SYTL2: variants seen among roughly 807,000 people sequenced by gnomAD.
The protein encoded by SYTL2 is synaptotagmin-like protein 2.
SYTL2 carries 165 observed loss-of-function variants against 198.7 expected under a neutral mutation model. The ratio of observed to expected loss-of-function variants is 0.83; its 90% confidence interval spans 0.73 to 0.94. The LOEUF is 0.94. Among genes scored for constraint, SYTL2 ranks in the 40% least tolerant of loss-of-function variants. SYTL2 has a pLI of 0.00. For missense variants in SYTL2, 2,835 were observed against 2,582.8 expected, an observed-to-expected ratio of 1.10 and a Z score of -2.12; for synonymous variants, 966 against 917.7, an observed-to-expected ratio of 1.05 and a Z score of -0.95.
the SYTL2 span, among the ~76,000 whole-genome samples, chr11:85,831,526 C>T: frequency 1.3e-5 from 2 of 152,074 alleles, no homozygotes; most frequent in Admixed American, 1.3e-4. Flanking sequence ...CAAACTTGCT[C>T]CTAAATAGCA....
the SYTL2 span, among the ~76,000 whole-genome samples, chr11:85,849,001 G>A: frequency 1.3e-5 from 2 of 152,162 alleles, no homozygotes; most frequent in African/African-American, 2.4e-5. Flanking sequence ...TGTGCCTCTG[G>A]CTTAAAGTGA....
In SYTL2 at chr11:85,734,543, G is replaced by A; in HGVS notation, c.786C>T (p.Asp262=). Residue 262 remains aspartate, a synonymous_variant, in exon 7 of 20, where the codon GAC becomes GAT. Coordinates refer to ENST00000359152, the MANE Select transcript of SYTL2 (RefSeq NM_206927.4). ...TCGGAGCCCCTCTCGCTTTCAGGGA[G>A]TCTGTCCTTTGTCTAGGAAAAGACT... ...DNQSFPRQRT[D]SLKARGAPRG... 1 of 1,614,210 alleles carries A rather than the reference G, an allele frequency of 6.2e-7. No homozygotes were observed.
chr11:85,776,439 C>T (rs1012699775), intron 1 of SYTL2, among the ~76,000 whole-genome samples: 32 of 152,184 alleles, frequency 2.1e-4, no homozygotes, highest in Admixed American at 5.9e-4. Flanking sequence ...GTTATGTTCC[C>T]CTCCCTGTGT....
rs544026011 is a variant in SYTL2 at position 85,748,156 on chromosome 11, T to C, written c.253+116A>G. 3.1e-5 allele frequency: 37 copies of C among 1,203,180 alleles called. No homozygotes were observed. In the African/African-American group the frequency reaches 5.2e-4, roughly 17 times the overall value. The allele number at this position is 1,203,180 out of a possible 1,614,324, so 74.5% of individuals were successfully genotyped here. A position where few individuals can be genotyped will look rare whatever the true frequency, so the allele number is the denominator to read the frequency against. The stretch of plus-strand genomic sequence containing the variant: ...ATTTAAACTAGAGGGCCACACATTA[T>C]GAAAAGTGTACATCCAAATGATTTC... On this transcript the variant is annotated intron_variant, in intron 3 of 19. Transcript: ENST00000359152.
At chr11:85,851,715 A>T in the SYTL2 span, among the ~76,000 whole-genome samples, 1 of 152,270 alleles carries the variant, frequency 6.6e-6, no homozygotes, top group Non-Finnish European at 1.5e-5. Flanking sequence ...CCAGGCTCTC[A>T]TAATAGAAGC....
intron 11 of SYTL2, among the ~76,000 whole-genome samples, chr11:85,715,415 T>C (rs1261520115): frequency 1.3e-5 from 2 of 152,114 alleles, no homozygotes; most frequent in Non-Finnish European, 2.9e-5. Flanking sequence ...ATCTAATAAA[T>C]ATCATATGAT....
In SYTL2 at chr11:85,726,791, C is replaced by T. The variant is rs891200537; in HGVS notation, c.2567G>A (p.Arg856Gln). 2.7e-5 allele frequency: 42 copies of T among 1,536,092 alleles called. No individual in the cohort carries two copies. Among genetic ancestry groups the T allele is most frequent in the Non-Finnish European group, 3.6e-5 (41 of 1,146,870 alleles). ...TTGATCATCCTCATCTAAGACCACT[C>T]GTTTGGGAATGGCCTGATTATATTC... is the stretch of plus-strand genomic sequence containing the variant. ...QSEYNQAIPKRVVLDEDDQAS... is the reference protein window; with the variant it reads ...QSEYNQAIPKQVVLDEDDQAS... Residue 856 changes from arginine (R) to glutamine (Q), a missense_variant, in exon 8 of 20, where the codon CGA becomes CAA. Coordinates refer to ENST00000359152, the MANE Select transcript of SYTL2 (RefSeq NM_206927.4).
chr11:85,778,559 C>T (rs1592001600), intron 1 of SYTL2, among the ~76,000 whole-genome samples: 1 of 152,254 alleles, frequency 6.6e-6, no homozygotes, highest in Middle Eastern at 3.2e-3. Flanking sequence ...AGCAACTCAA[C>T]AGAAGGCAGC....
At chr11:85,840,932 A>C in the SYTL2 span, among the ~76,000 whole-genome samples, 1 of 152,216 alleles carries the variant, frequency 6.6e-6, no homozygotes, top group Non-Finnish European at 1.5e-5. Flanking sequence ...AATATTTTCA[A>C]ACTATGCATC....
At chr11:85,790,695 C>CA (rs2092715652) in intron 1 of SYTL2, among the ~76,000 whole-genome samples, 2 of 152,120 alleles carry the variant, frequency 1.3e-5, no homozygotes, top group African/African-American at 4.8e-5. Flanking sequence ...TGAAGATTCT[C>CA]GCTTGTCTGT....
At chr11:85,813,191 C>G (rs989556675), upstream of SYTL2, among the ~76,000 whole-genome samples, 1 of 152,090 alleles carries the variant, frequency 6.6e-6, no homozygotes, top group South Asian at 2.1e-4. Flanking sequence ...TCATCTAAAT[C>G]TTGTATGGCT....
chr11:85,796,831 A>T (rs1566034692), intron 1 of SYTL2, among the ~76,000 whole-genome samples: 1 of 152,224 alleles, frequency 6.6e-6, no homozygotes, highest in East Asian at 1.9e-4. Flanking sequence ...TATACTTTTA[A>T]ATAAACTTAA....
the SYTL2 span, among the ~76,000 whole-genome samples, chr11:85,841,977 T>A: frequency 1.3e-5 from 2 of 152,208 alleles, no homozygotes; most frequent in Non-Finnish European, 2.9e-5. Context: ...GAAAGAATAA[T>A]CATTTATTCA....
At chr11:85,735,923 A>T (rs929332533) in intron 6 of SYTL2, among the ~76,000 whole-genome samples, 1 of 152,146 alleles carries the variant, frequency 6.6e-6, no homozygotes, top group East Asian at 1.9e-4. Context: ...TCTACCCCTA[A>T]CCACTCTTTA....
intron 1 of SYTL2, among the ~76,000 whole-genome samples, chr11:85,793,198 C>G: frequency 6.6e-6 from 1 of 151,242 alleles, no homozygotes; most frequent in African/African-American, 2.4e-5. Flanking sequence ...CCTGAGGAAT[C>G]GCCACACTGA....
the SYTL2 span, chr11:85,854,783 ACT>A: frequency 6.6e-6 from 1 of 151,948 alleles, no homozygotes; most frequent in African/African-American, 2.4e-5. Context: ...GAAGACACAA[ACT>A]CTGAGATCCA....
chr11:85,822,251 A>T, the SYTL2 span, among the ~76,000 whole-genome samples: 1 of 151,986 alleles, frequency 6.6e-6, no homozygotes, highest in Admixed American at 6.5e-5. Flanking sequence ...ATGATCTCGG[A>T]CTCCTAGTCA....
chr11:85,777,812 C>CTTTT lies in SYTL2; in HGVS notation c.-389-19702_-389-19699dup, dbSNP rs57873368. 2.7e-3 allele frequency among the ~76,000 whole-genome samples: 170 copies of CTTTT among 63,308 alleles called. 18 individuals are homozygous for CTTTT. Among genetic ancestry groups the CTTTT allele is most frequent in the African/African-American group, 5.1e-3 (89 of 17,544 alleles). 41.5% of individuals were successfully genotyped at this position (63,308 alleles called of 152,430 possible). A position where few individuals can be genotyped will look rare whatever the true frequency, so the allele number is the denominator to read the frequency against. On this transcript the variant is annotated intron_variant, in intron 1 of 19. Coordinates refer to ENST00000359152, the MANE Select transcript of SYTL2 (RefSeq NM_206927.4). ...CTTACCAGAATTACAGGTCTTACTT[C>CTTTT]TTTTTTTTTTTTTTTTTTTTTTTTT...
Position 85,714,424 on chromosome 11 carries a change from G to GA in SYTL2, c.5613dup (p.Leu1872SerfsTer4). ...AAAGACAAACTTGCCTCATCTTGGA[G>GA]AAATGCTGGAACAGACTTGCTCATC... On this transcript the variant is annotated frameshift_variant, in exon 12 of 20. Coordinates refer to ENST00000359152, the MANE Select transcript of SYTL2 (RefSeq NM_206927.4). LOFTEE classifies it high-confidence loss of function. The GA allele has an allele frequency of 1.9e-6, 3 of 1,613,124 alleles. No homozygotes were observed. The highest frequency in any genetic ancestry group is 2.5e-6 in the Non-Finnish European group (3 of 1,179,172).
Sources: gnomAD v4.1 joint callset for allele counts (sites outside exome capture counted in the v4.1 genomes callset) on GRCh38, gnomAD v4.1.1 for gene constraint, MANE v1.5 for transcripts, NCBI Gene and HGNC (gene_info 2026-07-23, HGNC 2026-07-21) for gene names.